PPARG: variants seen among roughly 807,000 people sequenced by gnomAD.
PPARG encodes peroxisome proliferator-activated receptor gamma.
A neutral mutation model predicts 39.2 loss-of-function variants in PPARG; 17 were observed. The observed-to-expected ratio is 0.43, with a 90% CI of 0.30 to 0.65. The LOEUF is 0.65. PPARG is among the 30% of genes least tolerant of loss of function. The pLI, the probability that PPARG is intolerant of heterozygous loss-of-function variation, is 0.13. For missense variants in PPARG, 406 were observed against 585.9 expected, an observed-to-expected ratio of 0.69 and a Z score of 3.17; for synonymous variants, 223 against 215.7, an observed-to-expected ratio of 1.03 and a Z score of -0.30.
At chr3:12,322,406 C>T (rs2047571587) in intron 2 of PPARG, among the ~76,000 whole-genome samples, 1 of 152,210 alleles carries the variant, frequency 6.6e-6, no homozygotes, top group Admixed American at 6.5e-5. Flanking sequence ...ATATTCCTTG[C>T]TCATGGTCTT....
chr3:12,322,257 C>G (rs997959002), intron 2 of PPARG, among the ~76,000 whole-genome samples: 4 of 152,216 alleles, frequency 2.6e-5, no homozygotes, highest in African/African-American at 9.6e-5. Context: ...AGCAGGGCTT[C>G]TAAGTCACAT....
At chr3:12,287,731 G>C (rs1166056727), upstream of PPARG, 1 of 151,110 alleles carries the variant, frequency 6.6e-6, no homozygotes, top group Non-Finnish European at 1.5e-5. Context: ...TCCCGCCGTG[G>C]GCCCTACTGT....
At chr3:12,290,681 T>G (rs1416367500) in intron 1 of PPARG, among the ~76,000 whole-genome samples, 2 of 152,160 alleles carry the variant, frequency 1.3e-5, no homozygotes, top group East Asian at 3.8e-4. Flanking sequence ...TATATAAATA[T>G]AAACAAATAC....
chr3:12,355,902 T>C (rs1354488680), intron 2 of PPARG, among the ~76,000 whole-genome samples: 1 of 152,236 alleles, frequency 6.6e-6, no homozygotes, highest in Non-Finnish European at 1.5e-5. Context: ...TATATTACTA[T>C]TTTTGTCAGC....
At chr3:12,433,197 G>A (rs990369546) in intron 7 of PPARG, among the ~76,000 whole-genome samples, 2 of 152,202 alleles carry the variant, frequency 1.3e-5, no homozygotes, top group African/African-American at 2.4e-5. Context: ...AAGAAACTGA[G>A]TAGAAGCTAT....
At chr3:12,365,105 C>T (rs756484241) in intron 2 of PPARG, among the ~76,000 whole-genome samples, 19 of 152,222 alleles carry the variant, frequency 1.2e-4, no homozygotes, top group Non-Finnish European at 2.2e-4. Flanking sequence ...AGATCCCTTG[C>T]GTGCACAGTT....
At chr3:12,416,270 C>G (rs2051052172) in intron 6 of PPARG, among the ~76,000 whole-genome samples, 1 of 152,064 alleles carries the variant, frequency 6.6e-6, no homozygotes, top group South Asian at 2.1e-4. Flanking sequence ...TCCCAGCTAC[C>G]CAGGAGGCTG....
intron 2 of PPARG, among the ~76,000 whole-genome samples, chr3:12,329,947 T>C (rs1029108675): frequency 1.3e-5 from 2 of 152,236 alleles, no homozygotes; most frequent in Admixed American, 1.3e-4. Context: ...GGTGCATCCA[T>C]GTTGTAGCAT....
chr3:12,300,266 A>G (rs2046893578), intron 1 of PPARG, among the ~76,000 whole-genome samples: 2 of 152,184 alleles, frequency 1.3e-5, no homozygotes, highest in African/African-American at 4.8e-5. Flanking sequence ...CTGCCCACCT[A>G]TGAACATGAC....
rs1179543971 is a variant in PPARG, at chr3:12,433,922, A to T, written c.1205A>T (p.Lys402Met). 1 of 1,614,104 alleles carries T rather than the reference A, an allele frequency of 6.2e-7. No homozygotes were observed. The highest frequency in any genetic ancestry group is 8.5e-7 in the Non-Finnish European group (1 of 1,180,040). Residue 402 changes from lysine to methionine, a missense_variant, in exon 8 of 8, where the codon AAG becomes ATG. Lys to Met is a moderately conservative substitution (Grantham distance 95). Around this residue, in one of 2 missense-constraint regions of PPARG, gnomAD observed 275 missense variants for 458.0 expected, o/e 0.60. Coordinates refer to ENST00000651735, the MANE Select transcript of PPARG (RefSeq NM_138711.6). ...SGDRPGLLNV[K>M]PIEDIQDNLL... ...GACCGCCCAGGTTTGCTGAATGTGA[A>T]GCCCATTGAAGACATTCAAGACAAC... is the stretch of plus-strand genomic sequence containing the variant.
intron 7 of PPARG, among the ~76,000 whole-genome samples, chr3:12,428,279 C>A (rs563435036): frequency 6.6e-6 from 1 of 152,320 alleles, no homozygotes; most frequent in Admixed American, 6.5e-5. Flanking sequence ...ATTCCAGGAC[C>A]GTGTGGATGG....
At chr3:12,419,188 G>A (rs959368461) in intron 7 of PPARG, among the ~76,000 whole-genome samples, 94 of 151,880 alleles carry the variant, frequency 6.2e-4, no homozygotes, top group Non-Finnish European at 1.2e-3. Context: ...CAGGTGATCC[G>A]CCTGCCTCGG....
chr3:12,323,359 G>A (rs2047600280), intron 2 of PPARG, among the ~76,000 whole-genome samples: 1 of 151,118 alleles, frequency 6.6e-6, no homozygotes, highest in Non-Finnish European at 1.5e-5. Context: ...CATTAACATT[G>A]ATTGAAGAAT....
intron 2 of PPARG, among the ~76,000 whole-genome samples, chr3:12,358,429 T>C (rs1011677867): frequency 6.6e-6 from 1 of 152,238 alleles, no homozygotes; most frequent in Non-Finnish European, 1.5e-5. Context: ...AATACAGACA[T>C]AATGTCTCCC....
At chr3:12,333,721 G>C (rs903157987) in intron 2 of PPARG, among the ~76,000 whole-genome samples, 1 of 152,078 alleles carries the variant, frequency 6.6e-6, no homozygotes, top group East Asian at 1.9e-4. Context: ...CTGTGTGCTC[G>C]TTCATTCAGT....
intron 2 of PPARG, among the ~76,000 whole-genome samples, chr3:12,347,184 C>G (rs571048662): frequency 2.0e-5 from 3 of 150,302 alleles, no homozygotes; most frequent in Non-Finnish European, 4.4e-5. Flanking sequence ...GAGACCCTGT[C>G]TCAAAAAAAA....
chr3:12,425,804 A>G (rs1013515913), intron 7 of PPARG, among the ~76,000 whole-genome samples: 1 of 152,214 alleles, frequency 6.6e-6, no homozygotes, highest in Non-Finnish European at 1.5e-5. Flanking sequence ...TGGAATGACT[A>G]GAACGACAGG....
intron 2 of PPARG, among the ~76,000 whole-genome samples, chr3:12,337,361 T>C (rs1457451311): frequency 6.6e-6 from 1 of 152,176 alleles, no homozygotes; most frequent in Admixed American, 6.5e-5. Flanking sequence ...GTAGAACTTA[T>C]GTGTTAGGAA....
intron 5 of PPARG, among the ~76,000 whole-genome samples, chr3:12,393,190 A>ATTTTTTTT (rs143287325): frequency 1.5e-4 from 17 of 111,516 alleles, no homozygotes; most frequent in South Asian, 3.1e-4. Context: ...GATTCATTTA[A>ATTTTTTTT]TTTTTTTTTT....
Sources: gnomAD v4.1 joint callset for allele counts (sites outside exome capture counted in the v4.1 genomes callset) on GRCh38, gnomAD v4.1.1 for gene constraint, gnomAD v4.1.1 regional missense constraint, MANE v1.5 for transcripts, NCBI Gene and HGNC (gene_info 2026-07-23, HGNC 2026-07-21) for gene names.